SF3A3: variants seen among roughly 807,000 people sequenced by gnomAD.
The protein encoded by SF3A3 is SAP 61.
In SF3A3, 9 loss-of-function variants were observed where a neutral mutation model predicts 85.8. The observed-to-expected ratio is 0.10, with a 90% CI of 0.06 to 0.18. The LOEUF is 0.18. SF3A3 is among the 10% of genes least tolerant of loss of function. The probability of loss-of-function intolerance (pLI) is 1.00; values close to 1 mark genes in which losing one functional copy is unlikely to be tolerated. For synonymous variants in SF3A3, 195 were observed against 204.4 expected (o/e 0.95, Z 0.39); for missense variants, 306 against 593.3 (o/e 0.52, Z 5.03).
intron 15 of SF3A3, among the ~76,000 whole-genome samples, chr1:37,967,209 C>T (rs1200052874): frequency 3.4e-5 from 5 of 144,970 alleles, no homozygotes; most frequent in Non-Finnish European, 7.5e-5. Flanking sequence ...GAGCCAAGAT[C>T]GTGCCACTGC....
At chr1:37,958,997 C>A (rs1027307081) in intron 16 of SF3A3, among the ~76,000 whole-genome samples, 2 of 152,084 alleles carry the variant, frequency 1.3e-5, no homozygotes, top group African/African-American at 4.8e-5. Context: ...ATACATGATA[C>A]AGAGTCTCGG....
chr1:37,958,246 T>C lies in SF3A3; in HGVS notation c.1446A>G (p.Ser482=). The change falls in exon 17 of 17, where the codon TCA becomes TCG. Residue 482 remains serine (S), a synonymous_variant. Coordinates refer to ENST00000373019, the MANE Select transcript of SF3A3 (RefSeq NM_006802.4). Reference sequence around the variant, plus strand: ...TCTTCTTATTCACAACATTCCCACTTGAGTCTTCATATTCTTCCTGAAAAG... The same window carrying C: ...TCTTCTTATTCACAACATTCCCACTCGAGTCTTCATATTCTTCCTGAAAAG... ...QPDTEEEYED[S]SGNVVNKKTY... 2 of 1,610,962 alleles carry C rather than the reference T, an allele frequency of 1.2e-6. No individual in the cohort carries two copies. Among genetic ancestry groups the C allele is most frequent in the Non-Finnish European group, 1.7e-6 (2 of 1,177,082 alleles).
intron 15 of SF3A3, among the ~76,000 whole-genome samples, chr1:37,966,091 T>C (rs1646297784): frequency 6.6e-6 from 1 of 151,816 alleles, no homozygotes; most frequent in South Asian, 2.1e-4. Flanking sequence ...TAATTCCAGC[T>C]ACTCGGGAGG....
chr1:37,958,532 A>T (rs1231630356), intron 16 of SF3A3, among the ~76,000 whole-genome samples: 1 of 152,228 alleles, frequency 6.6e-6, no homozygotes, highest in East Asian at 1.9e-4. Flanking sequence ...GTATCTGAGA[A>T]AATAGTTTAT....
In SF3A3 at chr1:37,957,914, G is replaced by T; in HGVS notation, c.*272C>A. The T allele has an allele frequency of 2.5e-6, 1 of 396,410 alleles. No homozygotes were observed. The allele number at this position is 396,410 out of a possible 1,614,324, so 24.6% of individuals were successfully genotyped here. Reference sequence around the variant, plus strand: ...AAGTTGGTGAGGAAGAGGTATGGAGGCGTTAAGACCTGAAGCACTGAGTTG... The same window carrying T: ...AAGTTGGTGAGGAAGAGGTATGGAGTCGTTAAGACCTGAAGCACTGAGTTG... On this transcript the variant is annotated 3_prime_UTR_variant, in exon 17 of 17. Transcript: ENST00000373019.
At position 37,984,267 on chromosome 1, in the gene SF3A3, G is replaced by T; in HGVS notation, c.377-7C>A. The T allele has an allele frequency of 2.6e-6, 4 of 1,509,640 alleles. No homozygotes were observed. The highest frequency in any genetic ancestry group is 1.7e-5 in the Admixed American group (1 of 59,004). The allele number at this position is 1,509,640 out of a possible 1,614,324, so 93.5% of individuals were successfully genotyped here. ...TCTGTGAACTCCACCAAGTCTGAGG[G>T]AATCAGATACATCAATGATTCAGTT... On this transcript the variant is annotated splice_region_variant and splice_polypyrimidine_tract_variant and intron_variant, in intron 5 of 16. Transcript: ENST00000373019.
chr1:37,973,799 C>G (rs1184851096), intron 12 of SF3A3, among the ~76,000 whole-genome samples: 1 of 152,116 alleles, frequency 6.6e-6, no homozygotes, highest in East Asian at 1.9e-4. Context: ...TATTGCAGCA[C>G]TAGTCACAAT....
intron 4 of SF3A3, among the ~76,000 whole-genome samples, chr1:37,987,083 A>G (rs6688001): frequency 0.99 from 150,274 of 152,036 alleles, 74,258 homozygotes; most frequent in Middle Eastern, 1. Flanking sequence ...TGTGGCCTTG[A>G]CTTCTTTTTT....
intron 15 of SF3A3, among the ~76,000 whole-genome samples, chr1:37,961,941 C>T (rs574172114): frequency 6.6e-6 from 1 of 150,554 alleles, no homozygotes; most frequent in South Asian, 2.1e-4. Context: ...CAAAATTAGC[C>T]AGGTGTGGTG....
intron 16 of SF3A3, 132 bp downstream of exon 16, chr1:37,959,988 A>C: frequency 1.7e-6 from 1 of 604,112 alleles, no homozygotes; most frequent in Non-Finnish European, 2.9e-6. Context: ...AGGAAAAGTC[A>C]ATTTGTAGAT....
intron 1 of SF3A3, 80 bp from the exon 2 acceptor site, chr1:37,989,675 C>T: frequency 1.3e-6 from 2 of 1,532,544 alleles, no homozygotes; most frequent in South Asian, 1.2e-5. Flanking sequence ...GGAGCTTACC[C>T]GCTCAGCTTT....
At chr1:37,968,239 T>G (rs1646316234) in intron 14 of SF3A3, 105 bp from the exon 15 acceptor site, 2 of 731,822 alleles carry the variant, frequency 2.7e-6, no homozygotes, top group African/African-American at 3.5e-5. Flanking sequence ...TTTGCAAGAC[T>G]CCACCTAAAG....
chr1:37,980,879 C>T (rs1218442499), intron 7 of SF3A3, 155 bp from the exon 8 acceptor site: 19 of 461,256 alleles, frequency 4.1e-5, no homozygotes, highest in African/African-American at 1.2e-4. Flanking sequence ...GGCAGAGTTT[C>T]GCTCCTCTTA....
At chr1:37,980,557 T>G in intron 8 of SF3A3, 29 bp downstream of exon 8, 4 of 1,608,040 alleles carry the variant, frequency 2.5e-6, no homozygotes, top group Non-Finnish European at 3.4e-6. Flanking sequence ...CCCTGGCATG[T>G]CCACCATTCA....
In SF3A3 at chr1:37,980,685, T is replaced by G. The variant is rs1646411960; in HGVS notation, c.591A>C (p.Thr197=). ...GATCTTGGAGAGGCTTCACTCTATC[T>G]GTGTAATCCTGAAGGTACTCAAGCA... The part of the protein sequence containing the change: ...EMLLEYLQDY[T]DRVKPLQDQN... The change falls in exon 8 of 17, where the codon ACA becomes ACC. Residue 197 remains threonine (T), a synonymous_variant. Transcript: ENST00000373019. 6.2e-7 allele frequency: 1 copy of G among 1,613,782 alleles called. No homozygotes were observed. Among genetic ancestry groups the G allele is most frequent in the African/African-American group, 1.3e-5 (1 of 74,858 alleles).
intron 4 of SF3A3, 30 bp from the exon 5 acceptor site, chr1:37,984,809 T>C: frequency 6.3e-7 from 1 of 1,591,434 alleles, no homozygotes; most frequent in South Asian, 1.1e-5. Flanking sequence ...CTCAGGTGGA[T>C]TTTTCTTTTT....
intron 15 of SF3A3, among the ~76,000 whole-genome samples, chr1:37,964,896 T>C (rs1646288490): frequency 6.6e-6 from 1 of 152,136 alleles, no homozygotes. Context: ...TGGTGGCTCA[T>C]GCCTATAATC....
At chr1:37,972,428 T>A (rs1557750587) in intron 12 of SF3A3, among the ~76,000 whole-genome samples, 2 of 152,222 alleles carry the variant, frequency 1.3e-5, no homozygotes, top group South Asian at 2.1e-4. Context: ...ATGGCCATAC[T>A]GCCCAAGGTA....
chr1:37,977,068 A>G, intron 11 of SF3A3, 115 bp from the exon 12 acceptor site: 1 of 738,000 alleles, frequency 1.4e-6, no homozygotes, highest in Non-Finnish European at 2.4e-6. Flanking sequence ...CACATGAGAA[A>G]TACGATGCTA....
Sources: gnomAD v4.1 joint callset for allele counts (sites outside exome capture counted in the v4.1 genomes callset) on GRCh38, gnomAD v4.1.1 for gene constraint, MANE v1.5 for transcripts, NCBI Gene and HGNC (gene_info 2026-07-23, HGNC 2026-07-21) for gene names.